The following PDE7B variants were observed in gnomAD, a reference collection of about 807,000 sequenced individuals.
PDE7B encodes the protein phosphodiesterase 7B.
Under a neutral mutation model 56.2 loss-of-function variants are expected in PDE7B, and 29 were observed. The ratio of observed to expected loss-of-function variants is 0.52; its 90% CI spans 0.38 to 0.70. The LOEUF (loss-of-function observed/expected upper bound fraction) is 0.70, where lower values mean the gene tolerates loss of function less well. Among genes scored for constraint, PDE7B ranks in the 30% least tolerant of loss-of-function variants. PDE7B has a pLI of 0.00. For missense variants in PDE7B, 490 were observed against 565.0 expected (o/e 0.87, Z 1.35); for synonymous variants, 197 against 196.9 (o/e 1.00, Z 0.00).
intron 1 of PDE7B, among the ~76,000 whole-genome samples, chr6:135,869,593 C>T (rs1029404939): frequency 2.6e-5 from 4 of 152,180 alleles, no homozygotes; most frequent in Non-Finnish European, 4.4e-5. Context: ...TCAGAGATGA[C>T]TGACAGTTAC....
At chr6:136,146,787 C>T (rs1778419548) in intron 3 of PDE7B, among the ~76,000 whole-genome samples, 2 of 152,158 alleles carry the variant, frequency 1.3e-5, no homozygotes, top group Admixed American at 1.3e-4. Context: ...GCATCATTAA[C>T]AAGAAAATGA....
intron 2 of PDE7B, among the ~76,000 whole-genome samples, chr6:136,003,672 T>C (rs564877023): frequency 7.2e-5 from 11 of 152,344 alleles, no homozygotes; most frequent in African/African-American, 1.9e-4. Flanking sequence ...AATCTCTGAA[T>C]AGACCAATAA....
chr6:135,932,467 A>T (rs1277098497), intron 1 of PDE7B, among the ~76,000 whole-genome samples: 4 of 87,198 alleles, frequency 4.6e-5, no homozygotes, highest in East Asian at 6.1e-4. Context: ...AATAAGTTTA[A>T]AAAAAAATCA....
At chr6:136,170,955 A>C (rs1005696296) in intron 8 of PDE7B, among the ~76,000 whole-genome samples, 1 of 152,168 alleles carries the variant, frequency 6.6e-6, no homozygotes, top group African/African-American at 2.4e-5. Flanking sequence ...TGTGTTTTGG[A>C]GGGGACATTC....
In PDE7B at chr6:136,192,177, G is replaced by A; in HGVS notation, c.*337G>A. On this transcript the variant is annotated 3_prime_UTR_variant, in exon 13 of 13. Coordinates refer to ENST00000308191, the MANE Select transcript of PDE7B (RefSeq NM_018945.4). ...CTTGTTCCGGGTCGCACTGGAACAG[G>A]CAGCAATTCCTAAGTCCGGAGCGTT... The A allele has an allele frequency of 3.0e-6, 1 of 337,652 alleles. No individual in the cohort carries two copies. Among genetic ancestry groups the A allele is most frequent in the East Asian group, 6.5e-5 (1 of 15,290 alleles). The allele number at this position is 337,652 out of a possible 1,614,324, so 20.9% of individuals were successfully genotyped here.
At chr6:136,054,416 C>G (rs1776691817) in intron 2 of PDE7B, among the ~76,000 whole-genome samples, 1 of 152,076 alleles carries the variant, frequency 6.6e-6, no homozygotes, top group African/African-American at 2.4e-5. Flanking sequence ...TGGTCTATAT[C>G]TCTGTTTTGG....
At chr6:136,167,202 C>G (rs1235160798) in intron 8 of PDE7B, among the ~76,000 whole-genome samples, 1 of 152,158 alleles carries the variant, frequency 6.6e-6, no homozygotes, top group Non-Finnish European at 1.5e-5. Context: ...TTCTGCTCTT[C>G]TCTCCATGCA....
At chr6:135,985,940 G>A (rs575087147) in intron 2 of PDE7B, among the ~76,000 whole-genome samples, 2 of 152,198 alleles carry the variant, frequency 1.3e-5, no homozygotes, top group East Asian at 1.9e-4. Flanking sequence ...CAGGCACCGG[G>A]CGATGCTCTC....
chr6:136,107,898 G>A (rs1459094236), intron 2 of PDE7B, among the ~76,000 whole-genome samples: 3 of 152,144 alleles, frequency 2.0e-5, no homozygotes, highest in African/African-American at 7.2e-5. Context: ...GGAGGCCGAG[G>A]TGGGTGGATC....
intron 2 of PDE7B, among the ~76,000 whole-genome samples, chr6:135,973,989 G>A (rs774753721): frequency 6.6e-6 from 1 of 152,246 alleles, no homozygotes; most frequent in Non-Finnish European, 1.5e-5. Flanking sequence ...CTGTTCCTCT[G>A]CTGATATTCA....
chr6:136,065,485 C>T (rs1231848685), intron 2 of PDE7B, among the ~76,000 whole-genome samples: 1 of 152,142 alleles, frequency 6.6e-6, no homozygotes, highest in Non-Finnish European at 1.5e-5. Flanking sequence ...AGTGAGAAGG[C>T]ATCACAAAGC....
rs185610463 is a variant in PDE7B, at chr6:136,009,154, G to A, written c.82+61630G>A. On this transcript the variant is annotated intron_variant, in intron 2 of 12. Transcript: ENST00000308191. The stretch of plus-strand genomic sequence containing the variant: ...AAGATCAGATGGTTGTAGATATGTG[G>A]CATTATTTCTGAGGGCTCTGTTCTG... Among the ~76,000 whole-genome samples, 1,257 of 151,978 alleles carry A rather than the reference G, an allele frequency of 8.3e-3. 16 individuals are homozygous for A. The highest frequency in any genetic ancestry group is 9.7e-3 in the Non-Finnish European group (658 of 67,982).
At chr6:136,151,351 A>G in intron 6 of PDE7B, 96 bp downstream of exon 6, 1 of 660,868 alleles carries the variant, frequency 1.5e-6, no homozygotes, top group African/African-American at 1.8e-5. Flanking sequence ...ATAGGATGAT[A>G]GATGCATACC....
rs1202794533 is a variant in PDE7B at position 136,193,699 on chromosome 6, C to T, written c.*1859C>T. 1 of 152,200 alleles carries T rather than the reference C, an allele frequency of 6.6e-6. No individual in the cohort carries two copies. The highest frequency in any genetic ancestry group is 2.1e-4 in the South Asian group (1 of 4,836). The allele number at this position is 152,200 out of a possible 1,614,324, so 9.4% of individuals were successfully genotyped here. Reference sequence around the variant, plus strand: ...CTCATGCTGATAGAATGACAGCTAGCACTTATTTCCTAAGTGCAACTGTTT... The same window carrying T: ...CTCATGCTGATAGAATGACAGCTAGTACTTATTTCCTAAGTGCAACTGTTT... On this transcript the variant is annotated 3_prime_UTR_variant, in exon 13 of 13. Coordinates refer to ENST00000308191, the MANE Select transcript of PDE7B (RefSeq NM_018945.4).
Position 135,851,858 on chromosome 6 carries a change from CTTT to C in PDE7B, c.-130_-128del. 48 of 508,214 alleles carry C rather than the reference CTTT, an allele frequency of 9.4e-5. No individual in the cohort carries two copies. Among genetic ancestry groups the C allele is most frequent in the South Asian group, 2.0e-4 (7 of 34,780 alleles). The allele number at this position is 508,214 out of a possible 1,614,324, so 31.5% of individuals were successfully genotyped here. ...TTCTTTATTTCTTTTCCTTTTTTTT[CTTT>C]TTTTTTTTTTGTTACTTAATTATAT... On this transcript the variant is annotated 5_prime_UTR_variant, in exon 1 of 13. Transcript: ENST00000308191.
chr6:136,091,476 C>T (rs543308989), intron 2 of PDE7B, among the ~76,000 whole-genome samples: 1 of 152,304 alleles, frequency 6.6e-6, no homozygotes, highest in South Asian at 2.1e-4. Context: ...GAAATATAAA[C>T]ATTTGTTTTA....
chr6:136,185,911 C>A (rs1779138375), intron 11 of PDE7B, among the ~76,000 whole-genome samples: 1 of 152,076 alleles, frequency 6.6e-6, no homozygotes, highest in Non-Finnish European at 1.5e-5. Context: ...ACTCATTAAC[C>A]AGATTGTTTT....
rs1779060877 is a variant in PDE7B at position 136,181,333 on chromosome 6, G to A, written c.1045+10G>A. 6.6e-7 allele frequency: 1 copy of A among 1,519,042 alleles called. No individual in the cohort carries two copies. The allele number at this position is 1,519,042 out of a possible 1,614,324, so 94.1% of individuals were successfully genotyped here. A position where few individuals can be genotyped will look rare whatever the true frequency, so the allele number is the denominator to read the frequency against. On this transcript the variant is annotated intron_variant, in intron 11 of 12. Coordinates refer to ENST00000308191, the MANE Select transcript of PDE7B (RefSeq NM_018945.4). ...GAATTCTACAGGCAAGGTTAGTAGT[G>A]ATCCAACAGCTGAGATTTCATTGCC...
chr6:135,931,020 T>A (rs1371189985), intron 1 of PDE7B, among the ~76,000 whole-genome samples: 1 of 152,264 alleles, frequency 6.6e-6, no homozygotes, highest in East Asian at 1.9e-4. Flanking sequence ...GTTAATAGGT[T>A]GGCTGATATT....
Sources: allele counts gnomAD v4.1 joint callset (sites outside exome capture counted in the v4.1 genomes callset), GRCh38; gene constraint gnomAD v4.1.1; transcripts MANE v1.5; gene names NCBI Gene and HGNC (gene_info 2026-07-23, HGNC 2026-07-21).